The following ARHGAP4 variants were observed in gnomAD, a reference collection of about 807,000 sequenced individuals.
ARHGAP4 encodes the protein rho GTPase-activating protein 4.
ARHGAP4 carries 25 observed loss-of-function variants against 67.6 expected under a neutral mutation model. That is an observed-to-expected ratio of 0.37 (90% CI 0.27 to 0.52). The LOEUF (loss-of-function observed/expected upper bound fraction) is 0.52. Ranked by LOEUF, ARHGAP4 falls within the 20% of genes least tolerant of loss-of-function variation. ARHGAP4 has a pLI of 0.92. For synonymous variants in ARHGAP4, 448 were observed against 373.7 expected (o/e 1.20, Z -2.29); for missense variants, 804 against 854.6 (o/e 0.94, Z 0.74).
chrX:153,925,701 G>C (rs1425910434), intron 1 of ARHGAP4, among the ~76,000 whole-genome samples: 3 of 112,143 alleles, frequency 2.7e-5, no homozygotes, highest in Non-Finnish European at 5.6e-5. Context: ...TCCAGGGACT[G>C]CAGTGGGGTT....
intron 1 of ARHGAP4, 91 bp downstream of exon 1, chrX:153,926,045 G>A (rs2065126014): frequency 2.7e-6 from 3 of 1,115,634 alleles, no homozygotes; most frequent in Non-Finnish European, 3.6e-6. Flanking sequence ...GAGAGCATCG[G>A]GCCCTGGGCC....
In ARHGAP4 at chrX:153,918,840, C is replaced by T; in HGVS notation, c.1024G>A (p.Gly342Arg). ...PLRFDYHPHD[G>R]DEVAEICVEM... ...CAGGGGGTGACCCTCACCTCATCCC[C>T]ATCATGGGGGTGGTAGTCAAAGCGC... The change falls in exon 7 of 22, where the codon GGG becomes AGG. Residue 342 changes from glycine (G) to arginine (R), a missense_variant. By Grantham distance (125) the Gly-to-Arg change is moderately radical (BLOSUM62 -2). Transcript: ENST00000350060. 8.3e-7 allele frequency: 1 copy of T among 1,211,994 alleles called. No homozygotes were observed. The highest frequency in any genetic ancestry group is 1.1e-6 in the Non-Finnish European group (1 of 895,324).
chrX:153,915,225 G>GA (rs1160481358), intron 7 of ARHGAP4, among the ~76,000 whole-genome samples: 5 of 110,109 alleles, frequency 4.5e-5, no homozygotes, highest in Admixed American at 9.7e-5. Flanking sequence ...TGGGTGCCAG[G>GA]GCTGGGGGGT....
At chrX:153,909,402 C>T (rs782001991) in intron 20 of ARHGAP4, 41 bp downstream of exon 20, 7 of 1,069,784 alleles carry the variant, frequency 6.5e-6, no homozygotes, top group Non-Finnish European at 8.5e-6. Flanking sequence ...TGGCCTAGAA[C>T]AGCACACGTG....
In ARHGAP4 at chrX:153,913,766, G is replaced by A. The variant is rs1185940425; in HGVS notation, c.1134+12C>T. On this transcript the variant is annotated intron_variant, in intron 8 of 21. Transcript: ENST00000350060. Reference sequence around the variant, plus strand: ...CCTCGTCTCCCTCTAACCCCCGGTGGGCTGCCCAGACCTCCTCTGTCTCAA... The same window carrying A: ...CCTCGTCTCCCTCTAACCCCCGGTGAGCTGCCCAGACCTCCTCTGTCTCAA... The A allele has an allele frequency of 1.7e-6, 2 of 1,208,550 alleles. No homozygotes were observed. Among genetic ancestry groups the A allele is most frequent in the African/African-American group, 3.5e-5 (2 of 57,373 alleles).
intron 1 of ARHGAP4, among the ~76,000 whole-genome samples, chrX:153,925,117 C>T (rs960063051): frequency 1.8e-5 from 2 of 112,134 alleles, no homozygotes; most frequent in Non-Finnish European, 3.8e-5. Context: ...TCATTACCTC[C>T]ATCTGAGCAA....
rs782012280 is a variant in ARHGAP4, at chrX:153,910,240, G to A, written c.2087C>T (p.Pro696Leu). ...TLIVQPDRVF[P>L]PLTSLPGPVY... ...GGGGCCAGGCAGCGAGGTCAGGGGCGGGAAGACCCGATCGGGCTGCACTAT... is the reference window on the plus strand; with the variant it reads ...GGGGCCAGGCAGCGAGGTCAGGGGCAGGAAGACCCGATCGGGCTGCACTAT... Residue 696 changes from proline to leucine, a missense_variant, in exon 17 of 22, where the codon CCG becomes CTG. Transcript: ENST00000350060. 8.3e-6 allele frequency: 10 copies of A among 1,209,555 alleles called. No individual in the cohort carries two copies. The South Asian group carries it at 8.8e-5, about 11-fold the overall frequency.
At chrX:153,911,227 C>A in intron 12 of ARHGAP4, 38 bp from the exon 13 acceptor site, 1 of 939,452 alleles carries the variant, frequency 1.1e-6, no homozygotes, top group Admixed American at 3.5e-5. Context: ...ATGGACACAG[C>A]ATGCCCTGTG....
chrX:153,911,206 T>A lies in ARHGAP4; in HGVS notation c.1543-17A>T. ...GCCTGAGCTCTGGGGACAGAGGGTG[T>A]TTACTTCACCATGGACACAGCATGC... On this transcript the variant is annotated splice_polypyrimidine_tract_variant and intron_variant, in intron 12 of 21. Transcript: ENST00000350060. 3 of 1,144,276 alleles carry A rather than the reference T, an allele frequency of 2.6e-6. No individual in the cohort carries two copies. Among genetic ancestry groups the A allele is most frequent in the Non-Finnish European group, 3.5e-6 (3 of 857,820 alleles). The allele number at this position is 1,144,276 out of a possible 1,213,427, so 94.3% of individuals were successfully genotyped here.
In ARHGAP4 at chrX:153,913,858, T is replaced by C; in HGVS notation, c.1054A>G (p.Met352Val). Reference sequence around the variant, plus strand: ...GGCAGAATCTCGTCCCGCAGCTCCATTTCAACGCAGATCTCAGCCACCTGC... The same window carrying C: ...GGCAGAATCTCGTCCCGCAGCTCCACTTCAACGCAGATCTCAGCCACCTGC... ...GDEVAEICVE[M>V]ELRDEILPRA... is the part of the protein sequence containing the mutation. The change falls in exon 8 of 22, where the codon ATG becomes GTG. Residue 352 changes from methionine (M) to valine (V), a missense_variant. This residue lies in a region of ARHGAP4 where 404 missense variants were observed against 505.9 expected (regional missense o/e 0.80). Transcript: ENST00000350060. 1 of 1,212,099 alleles carries C rather than the reference T, an allele frequency of 8.3e-7. No homozygotes were observed. Among genetic ancestry groups the C allele is most frequent in the African/African-American group, 1.7e-5 (1 of 57,941 alleles).
intron 5 of ARHGAP4, 185 bp from the exon 6 acceptor site, chrX:153,919,468 G>A: frequency 9.0e-7 from 1 of 1,112,349 alleles, no homozygotes; most frequent in Non-Finnish European, 1.2e-6. Flanking sequence ...GTGCCAGGAG[G>A]TGACTTGATT....
intron 21 of ARHGAP4, 118 bp from the exon 22 acceptor site, chrX:153,908,080 C>G: frequency 1.7e-6 from 1 of 573,707 alleles, no homozygotes; most frequent in Non-Finnish European, 2.5e-6. Context: ...TCCCCAGTCC[C>G]TCAGCCTCCA....
chrX:153,918,601 GGCTGCCT>G (rs1557104560), intron 7 of ARHGAP4, among the ~76,000 whole-genome samples: 1 of 112,870 alleles, frequency 8.9e-6, no homozygotes, highest in African/African-American at 3.2e-5. Context: ...GCAGCTACAC[GGCTGCCT>G]GCTGCACGGT....
Position 153,907,791 on chromosome X carries a change from C to T in ARHGAP4, c.2779G>A (p.Ala927Thr). Residue 927 changes from alanine (A) to threonine (T), a missense_variant, in exon 22 of 22, where the codon GCC becomes ACC. Ala to Thr is a moderately conservative substitution (Grantham distance 58). Around this residue, in one of 2 missense-constraint regions of ARHGAP4, gnomAD observed 400 missense variants for 348.7 expected, o/e 1.15. Transcript: ENST00000350060. ...TGGGAAGCTGAGGGTGAGGCTGGGG[C>T]CCCAGGGCCCCGGGAGAAGCCTTTG... ...RNKGFSRGPG[A>T]PASPSASHPQ... 3 of 1,009,673 alleles carry T rather than the reference C, an allele frequency of 3.0e-6. No individual in the cohort carries two copies. Among genetic ancestry groups the T allele is most frequent in the Non-Finnish European group, 3.8e-6 (3 of 788,333 alleles). The allele number at this position is 1,009,673 out of a possible 1,213,427, so 83.2% of individuals were successfully genotyped here.
chrX:153,909,252 T>C (rs2064997125), intron 20 of ARHGAP4, 83 bp from the exon 21 acceptor site: 2 of 977,297 alleles, frequency 2.0e-6, no homozygotes, highest in Non-Finnish European at 2.8e-6. Context: ...TCCTGGGGTG[T>C]GGCCAAGGAA....
intron 1 of ARHGAP4, among the ~76,000 whole-genome samples, chrX:153,925,213 G>A (rs963476953): frequency 1.8e-5 from 2 of 112,053 alleles, no homozygotes; most frequent in Admixed American, 9.5e-5. Flanking sequence ...TCCAAAGGAG[G>A]ACTGGAGCAT....
intron 15 of ARHGAP4, 39 bp downstream of exon 15, chrX:153,910,661 C>A (rs782566381): frequency 2.5e-6 from 3 of 1,183,614 alleles, no homozygotes; most frequent in Non-Finnish European, 2.3e-6. Context: ...GCTGCCCCAG[C>A]AAGTGCCCTA....
chrX:153,909,686 G>A, intron 19 of ARHGAP4, 55 bp downstream of exon 19: 1 of 1,084,924 alleles, frequency 9.2e-7, no homozygotes, highest in Non-Finnish European at 1.2e-6. Flanking sequence ...CGGGGGAGGG[G>A]TGGATGAAGG....
At chrX:153,919,339 T>C in intron 5 of ARHGAP4, 56 bp from the exon 6 acceptor site, 8 of 1,208,227 alleles carry the variant, frequency 6.6e-6, no homozygotes, top group Non-Finnish European at 9.0e-6. Flanking sequence ...CCCCTATCTC[T>C]AGCCTTTCAT....
Sources: gnomAD v4.1 joint callset for allele counts (sites outside exome capture counted in the v4.1 genomes callset) on GRCh38, gnomAD v4.1.1 for gene constraint, gnomAD v4.1.1 regional missense constraint, MANE v1.5 for transcripts, NCBI Gene and HGNC (gene_info 2026-07-23, HGNC 2026-07-21) for gene names.